PDGFD: variants seen among roughly 807,000 people sequenced by gnomAD.
PDGFD encodes platelet derived growth factor D, also known as platelet-derived growth factor D.
In PDGFD, 30 loss-of-function variants were observed where a neutral mutation model predicts 44.7. The observed-to-expected ratio is 0.67, with a 90% CI of 0.50 to 0.91. The LOEUF (loss-of-function observed/expected upper bound fraction) is 0.91. PDGFD is among the 40% of genes least tolerant of loss of function. PDGFD has a pLI of 0.00. For missense variants in PDGFD, 445 were observed against 457.8 expected (o/e 0.97, Z 0.25); for synonymous variants, 173 against 168.4 (o/e 1.03, Z -0.21).
intron 1 of PDGFD, among the ~76,000 whole-genome samples, chr11:104,017,630 A>C (rs1289854633): frequency 6.6e-6 from 1 of 152,220 alleles, no homozygotes; most frequent in African/African-American, 2.4e-5. Flanking sequence ...AAATAATAAC[A>C]GAGATGTAGG....
At chr11:104,035,369 G>T (rs747991560) in intron 1 of PDGFD, among the ~76,000 whole-genome samples, 19 of 151,628 alleles carry the variant, frequency 1.3e-4, no homozygotes, top group Non-Finnish European at 2.1e-4. Context: ...TTGGCTTTGG[G>T]CCTCCTGACT....
intron 1 of PDGFD, among the ~76,000 whole-genome samples, chr11:104,087,021 C>CTTTTTTTTTTTTTTTTTTTTTTTT (rs528848924): frequency 1.9e-5 from 2 of 103,206 alleles, no homozygotes; most frequent in Non-Finnish European, 3.7e-5. Context: ...GGCTCTTAGT[C>CTTTTTTTTTTTTTTTTTTTTTTTT]TTTTTTTTTT....
At chr11:104,023,034 T>C (rs1041837016) in intron 1 of PDGFD, among the ~76,000 whole-genome samples, 1 of 152,094 alleles carries the variant, frequency 6.6e-6, no homozygotes. Context: ...TTAGTAACCA[T>C]AGCCAAACTC....
chr11:104,097,394 A>C (rs1372544125), intron 1 of PDGFD, among the ~76,000 whole-genome samples: 2 of 152,160 alleles, frequency 1.3e-5, no homozygotes, highest in Non-Finnish European at 2.9e-5. Context: ...AGATATGAGC[A>C]TTTTCATACT....
intron 5 of PDGFD, among the ~76,000 whole-genome samples, chr11:103,933,099 T>C (rs1423369039): frequency 1.3e-5 from 2 of 152,188 alleles, no homozygotes; most frequent in Non-Finnish European, 2.9e-5. Context: ...ATTGCCTTTG[T>C]CAAATGGGAG....
chr11:104,082,378 G>A (rs11226148), intron 1 of PDGFD, among the ~76,000 whole-genome samples: 43,519 of 151,398 alleles, frequency 0.29, 6,702 homozygotes, highest in Non-Finnish European at 0.36. Flanking sequence ...ACTTTCAAAG[G>A]TCACTTTGAA....
intron 1 of PDGFD, among the ~76,000 whole-genome samples, chr11:104,066,168 C>G (rs754431555): frequency 6.6e-6 from 1 of 152,120 alleles, no homozygotes; most frequent in African/African-American, 2.4e-5. Flanking sequence ...GAATGCCATA[C>G]CTCCGTCATC....
At chr11:104,119,693 TATA>T (rs533848050) in intron 1 of PDGFD, among the ~76,000 whole-genome samples, 8,792 of 94,742 alleles carry the variant, frequency 0.093, 747 homozygotes, top group East Asian at 0.22. Flanking sequence ...ATATATAATA[TATA>T]ATATCTATTA....
chr11:104,086,524 A>C (rs1240901562), intron 1 of PDGFD, among the ~76,000 whole-genome samples: 1 of 152,184 alleles, frequency 6.6e-6, no homozygotes, highest in Non-Finnish European at 1.5e-5. Flanking sequence ...CTAAGTATAG[A>C]TTTTAAAGGC....
intron 1 of PDGFD, among the ~76,000 whole-genome samples, chr11:104,019,098 T>C (rs1283899186): frequency 6.6e-6 from 1 of 152,222 alleles, no homozygotes; most frequent in African/African-American, 2.4e-5. Flanking sequence ...AGACAACTCT[T>C]TTCCTTAAAA....
In PDGFD at chr11:104,120,628, A is replaced by G. The variant is rs111451574; in HGVS notation, c.124+43176T>C. 9.9e-3 allele frequency among the ~76,000 whole-genome samples: 1,506 copies of G among 151,968 alleles called. 26 individuals are homozygous for G. The highest frequency in any genetic ancestry group is 0.034 in the African/African-American group (1,426 of 41,494). Reference sequence around the variant, plus strand: ...TTTACTATCTCGAGAATTTGATGGTATTCTTCTCTCCATATGGCACAATAT... The same window carrying G: ...TTTACTATCTCGAGAATTTGATGGTGTTCTTCTCTCCATATGGCACAATAT... On this transcript the variant is annotated intron_variant, in intron 1 of 6. Coordinates refer to ENST00000393158, the MANE Select transcript of PDGFD (RefSeq NM_025208.5).
intron 1 of PDGFD, 101 bp from the exon 2 acceptor site, chr11:104,000,356 C>A: frequency 9.8e-7 from 1 of 1,019,758 alleles, no homozygotes; most frequent in Non-Finnish European, 1.5e-6. Context: ...CAAAACACTT[C>A]TTTATTTTGC....
chr11:103,949,465 C>T (rs748831425), intron 3 of PDGFD, among the ~76,000 whole-genome samples: 11 of 152,166 alleles, frequency 7.2e-5, no homozygotes, highest in Admixed American at 4.6e-4. Flanking sequence ...CTTCATAAGT[C>T]GGTGAGCACA....
At chr11:103,927,532 T>G (rs1489751043) in intron 5 of PDGFD, among the ~76,000 whole-genome samples, 1 of 152,018 alleles carries the variant, frequency 6.6e-6, no homozygotes, top group Non-Finnish European at 1.5e-5. Context: ...ATCACTTAAA[T>G]ATAATTTAAA....
At chr11:103,968,049 CCT>C (rs1182458811) in intron 3 of PDGFD, among the ~76,000 whole-genome samples, 3 of 152,146 alleles carry the variant, frequency 2.0e-5, no homozygotes, top group African/African-American at 7.2e-5. Flanking sequence ...CAACTTCTAG[CCT>C]CTGTTTTACG....
At chr11:104,121,589 C>T (rs1202837416) in intron 1 of PDGFD, among the ~76,000 whole-genome samples, 2 of 151,952 alleles carry the variant, frequency 1.3e-5, no homozygotes, top group Non-Finnish European at 2.9e-5. Context: ...GAAAAACCTA[C>T]AAGAATACAA....
At chr11:104,104,048 C>T (rs1484637911) in intron 1 of PDGFD, among the ~76,000 whole-genome samples, 1 of 151,974 alleles carries the variant, frequency 6.6e-6, no homozygotes, top group Non-Finnish European at 1.5e-5. Context: ...ATTGATGATC[C>T]TGACCCTGTG....
intron 1 of PDGFD, among the ~76,000 whole-genome samples, chr11:104,144,528 ACCC>A (rs1341290277): frequency 0.066 from 8,906 of 134,040 alleles, 438 homozygotes; most frequent in African/African-American, 0.11. Context: ...AAAAAAAAAA[ACCC>A]AACAAAACAA....
intron 1 of PDGFD, among the ~76,000 whole-genome samples, chr11:104,024,598 C>T (rs1043793513): frequency 3.3e-5 from 5 of 152,146 alleles, no homozygotes; most frequent in Admixed American, 1.3e-4. Context: ...TACAGTAACA[C>T]GTTGTACAGG....
Sources: gnomAD v4.1 joint callset for allele counts (sites outside exome capture counted in the v4.1 genomes callset) on GRCh38, gnomAD v4.1.1 for gene constraint, MANE v1.5 for transcripts, NCBI Gene and HGNC (gene_info 2026-07-23, HGNC 2026-07-21) for gene names.